The following ADAMTS14 variants were observed in gnomAD, a reference collection of about 807,000 sequenced individuals.
ADAMTS14 encodes the protein A disintegrin and metalloproteinase with thrombospondin motifs 14.
Under a neutral mutation model 128.6 loss-of-function variants are expected in ADAMTS14, and 100 were observed. The ratio of observed to expected loss-of-function variants is 0.78; its 90% confidence interval spans 0.66 to 0.92. The LOEUF (loss-of-function observed/expected upper bound fraction) is 0.92. ADAMTS14 is among the 40% of genes least tolerant of loss of function. The pLI, the probability that ADAMTS14 is intolerant of heterozygous loss-of-function variation, is 0.00. For missense variants in ADAMTS14, 1,562 were observed against 1,658.6 expected (o/e 0.94, Z 1.01); for synonymous variants, 665 against 653.8 (o/e 1.02, Z -0.26).
chr10:70,760,027 GC>G (rs1361357590), intron 21 of ADAMTS14, among the ~76,000 whole-genome samples: 1 of 152,226 alleles, frequency 6.6e-6, no homozygotes, highest in African/African-American at 2.4e-5. Flanking sequence ...ACAGCGCTGA[GC>G]CCCAGCCTGA....
chr10:70,745,613 C>A lies in ADAMTS14; in HGVS notation c.2263+307C>A, dbSNP rs544492157. ...AATAATTTCTTGTGCACATAGATGG[C>A]TGTTAAAGGAAAGCCATGTTCACAG... On this transcript the variant is annotated intron_variant, in intron 15 of 21. Coordinates refer to ENST00000373207, the MANE Select transcript of ADAMTS14 (RefSeq NM_080722.4). Among the ~76,000 whole-genome samples the A allele has an allele frequency of 8.5e-5, 13 of 152,284 alleles. No homozygotes were observed. The South Asian group carries it at 2.7e-3, about 32-fold the overall frequency.
In ADAMTS14 at chr10:70,760,241, G is replaced by A. The variant is rs577936488; in HGVS notation, c.3179-119G>A. 2.0e-4 allele frequency: 269 copies of A among 1,333,942 alleles called. No individual in the cohort carries two copies. In the African/African-American group the frequency reaches 3.0e-3, roughly 15 times the overall value. The allele number at this position is 1,333,942 out of a possible 1,614,324, so 82.6% of individuals were successfully genotyped here. A position where few individuals can be genotyped will look rare whatever the true frequency, so the allele number is the denominator to read the frequency against. ...CCACCCTGAGAAAAAGCTTTATAGT[G>A]GGTCCAGCAGGGGCAGGGGTGGAGG... is the stretch of plus-strand genomic sequence containing the variant. On this transcript the variant is annotated intron_variant, in intron 21 of 21. Transcript: ENST00000373207.
rs758718159 is a variant in ADAMTS14, at chr10:70,741,167, G to T, written c.1924+5G>T. The T allele has an allele frequency of 2.5e-6, 4 of 1,611,648 alleles. No individual in the cohort carries two copies. Among genetic ancestry groups the T allele is most frequent in the Middle Eastern group, 1.7e-4 (1 of 5,974 alleles). ...TGCCCTACGAGCCTGACGATGGTGA[G>T]TGGGCCCCACCCCCCTCCCACTCCA... On this transcript the variant is annotated splice_donor_5th_base_variant and intron_variant, in intron 12 of 21. Transcript: ENST00000373207.
chr10:70,745,428 G>A (rs2132719852), intron 15 of ADAMTS14, 122 bp downstream of exon 15: 1 of 980,636 alleles, frequency 1.0e-6, no homozygotes, highest in Non-Finnish European at 1.6e-6. Context: ...CTGGAGTAAT[G>A]GGCAGAGACC....
intron 9 of ADAMTS14, among the ~76,000 whole-genome samples, chr10:70,735,941 G>T (rs1044774264): frequency 6.6e-6 from 1 of 152,196 alleles, no homozygotes; most frequent in Non-Finnish European, 1.5e-5. Flanking sequence ...TTGGGGACCT[G>T]AGTGCTTCAT....
chr10:70,743,644 G>A lies in ADAMTS14; in HGVS notation c.2021G>A (p.Arg674Gln), dbSNP rs141167300. 152 of 1,610,358 alleles carry A rather than the reference G, an allele frequency of 9.4e-5. 1 individual carries two copies. The highest frequency in any genetic ancestry group is 3.5e-4 in the African/African-American group (26 of 74,750). ...CACGATGGGACACGCTGCAGCTACC[G>A]GGACCCATACAGCGTCTGTGCGCGT... ...VVHDGTRCSY[R>Q]DPYSVCARGE... is the part of the protein sequence containing the mutation. The change falls in exon 13 of 22, where the codon CGG becomes CAG. Residue 674 changes from arginine to glutamine, a missense_variant. Transcript: ENST00000373207.
chr10:70,737,583 G>C (rs1487342548), intron 10 of ADAMTS14, among the ~76,000 whole-genome samples: 4 of 152,296 alleles, frequency 2.6e-5, no homozygotes, highest in Middle Eastern at 6.8e-3. Flanking sequence ...TCCTGCCCTA[G>C]CCAGGCTCCT....
chr10:70,761,146 C>A lies in ADAMTS14; in HGVS notation c.*293C>A. The A allele has an allele frequency of 2.9e-6, 1 of 341,066 alleles. No homozygotes were observed. Among genetic ancestry groups the A allele is most frequent in the Non-Finnish European group, 5.3e-6 (1 of 188,116 alleles). The allele number at this position is 341,066 out of a possible 1,614,324, so 21.1% of individuals were successfully genotyped here. A position where few individuals can be genotyped will look rare whatever the true frequency, so the allele number is the denominator to read the frequency against. On this transcript the variant is annotated 3_prime_UTR_variant, in exon 22 of 22. Transcript: ENST00000373207. Reference sequence around the variant, plus strand: ...CCAAGACCAGGGTCAACTATTGCTCCCTCCTCACAGACCCTGGGCCTGGGC... The same window carrying A: ...CCAAGACCAGGGTCAACTATTGCTCACTCCTCACAGACCCTGGGCCTGGGC...
chr10:70,699,385 T>C (rs943411020), intron 2 of ADAMTS14, among the ~76,000 whole-genome samples: 33 of 152,136 alleles, frequency 2.2e-4, no homozygotes, highest in Admixed American at 9.2e-4. Flanking sequence ...AGAAAACTAT[T>C]TATAAAGGAT....
intron 4 of ADAMTS14, among the ~76,000 whole-genome samples, chr10:70,722,694 A>G (rs893539883): frequency 1.3e-5 from 2 of 152,240 alleles, no homozygotes; most frequent in Admixed American, 6.5e-5. Context: ...TTTACAGGAC[A>G]CAGGACCCAA....
rs1589296341 is a variant in ADAMTS14 at position 70,719,971 on chromosome 10, G to A, written c.871-9323G>A. On this transcript the variant is annotated intron_variant, in intron 4 of 21. Transcript: ENST00000373207. ...CAGCCTGGGACATCGAGGCTGCTGC[G>A]TTTCACAAATAGGTTGTGGGGGATA... Among the ~76,000 whole-genome samples, 3 of 152,244 alleles carry A rather than the reference G, an allele frequency of 2.0e-5. No homozygotes were observed. The South Asian group carries it at 6.2e-4, about 31-fold the overall frequency.
Position 70,702,345 on chromosome 10 carries a change from T to A in ADAMTS14, c.556T>A (p.Phe186Ile). 2 of 1,614,232 alleles carry A rather than the reference T, an allele frequency of 1.2e-6. No homozygotes were observed. The highest frequency in any genetic ancestry group is 1.7e-6 in the Non-Finnish European group (2 of 1,180,048). Residue 186 changes from phenylalanine to isoleucine, a missense_variant, in exon 3 of 22, where the codon TTC (phenylalanine) becomes ATC (isoleucine). Transcript: ENST00000373207. ...CATCCGCACAGACAGCACCGACTTC[T>A]TCATTGAGCCTCTGGAGCGGGGCCA... ...GLIRTDSTDF[F>I]IEPLERGQQE...
At chr10:70,759,096 A>T (rs1156944506) in intron 21 of ADAMTS14, among the ~76,000 whole-genome samples, 1 of 89,556 alleles carries the variant, frequency 1.1e-5, no homozygotes, top group Non-Finnish European at 2.4e-5. Flanking sequence ...TTCTGACTAG[A>T]TGTCCTCAAA....
rs1842581622 is a variant in ADAMTS14, at chr10:70,760,483, A to G, written c.3302A>G (p.Asn1101Ser). Residue 1101 changes from asparagine (N) to serine (S), a missense_variant, in exon 22 of 22, where the codon AAC becomes AGC. Transcript: ENST00000373207. ...VSCIKKASGP[N>S]PGPDPGPTSL... ...TGCATCAAGAAGGCCTCGGGCCCCA[A>G]CCCTGGCCCAGACCCTGGCCCAACC... The G allele has an allele frequency of 1.2e-6, 2 of 1,613,774 alleles. No individual in the cohort carries two copies. The highest frequency in any genetic ancestry group is 1.7e-6 in the Non-Finnish European group (2 of 1,179,916).
At chr10:70,703,029 A>C (rs545850277) in intron 3 of ADAMTS14, among the ~76,000 whole-genome samples, 1 of 152,324 alleles carries the variant, frequency 6.6e-6, no homozygotes, top group African/African-American at 2.4e-5. Context: ...TGTAAATGTT[A>C]TATGTAATGG....
chr10:70,674,549 C>G lies in ADAMTS14; in HGVS notation c.83-7C>G. The stretch of plus-strand genomic sequence containing the variant: ...CATTGAAGTGACTCTTTGTTTACCT[C>G]CAACAGAGCTGCACCTCTCTGGAAA... On this transcript the variant is annotated splice_polypyrimidine_tract_variant and splice_region_variant and intron_variant, in intron 1 of 21. Coordinates refer to ENST00000373207, the MANE Select transcript of ADAMTS14 (RefSeq NM_080722.4). The G allele has an allele frequency of 1.2e-6, 2 of 1,605,880 alleles. No individual in the cohort carries two copies. The highest frequency in any genetic ancestry group is 1.7e-6 in the Non-Finnish European group (2 of 1,174,252).
intron 2 of ADAMTS14, among the ~76,000 whole-genome samples, chr10:70,678,160 G>C (rs539685936): frequency 6.6e-6 from 1 of 152,186 alleles, no homozygotes; most frequent in African/African-American, 2.4e-5. Context: ...AGTCATAGGC[G>C]GAGATACGAA....
In ADAMTS14 at chr10:70,674,667, C is replaced by T; in HGVS notation, c.194C>T (p.Ala65Val). 6.2e-7 allele frequency: 1 copy of T among 1,613,634 alleles called. No homozygotes were observed. The change falls in exon 2 of 22, where the codon GCA becomes GTA. Residue 65 changes from alanine (A) to valine (V), a missense_variant. Transcript: ENST00000373207. ...HVVSGPAAAS[A>V]GSMVVDTPPT... ...GTGTCTGGCCCAGCAGCAGCCTCTGCAGGGAGCATGGTAGTGGACACGCCA... is the reference window on the plus strand; with the variant it reads ...GTGTCTGGCCCAGCAGCAGCCTCTGTAGGGAGCATGGTAGTGGACACGCCA...
intron 18 of ADAMTS14, among the ~76,000 whole-genome samples, chr10:70,752,814 C>T (rs533931405): frequency 2.7e-4 from 41 of 152,298 alleles, no homozygotes; most frequent in South Asian, 1.2e-3. Context: ...GGGGGAGCCC[C>T]AGGGCTGGGC....
Sources: allele counts gnomAD v4.1 joint callset (sites outside exome capture counted in the v4.1 genomes callset), GRCh38; gene constraint gnomAD v4.1.1; transcripts MANE v1.5; gene names NCBI Gene and HGNC (gene_info 2026-07-23, HGNC 2026-07-21).